DHCR7: variants seen among roughly 807,000 people sequenced by gnomAD.
The protein encoded by DHCR7 is 7-DHC reductase.
In DHCR7, 40 loss-of-function variants were observed where a neutral mutation model predicts 43.3. The ratio of observed to expected loss-of-function variants is 0.92; its 90% CI spans 0.72 to 1.20. The LOEUF is 1.20. DHCR7 is among the 50% of genes most tolerant of loss of function. DHCR7 has a pLI of 0.00. For synonymous variants in DHCR7, 298 were observed against 271.4 expected, an observed-to-expected ratio of 1.10 and a Z score of -0.96; for missense variants, 608 against 644.6, an observed-to-expected ratio of 0.94 and a Z score of 0.62.
chr11:71,440,418 T>G, intron 6 of DHCR7, among the ~76,000 whole-genome samples: 1 of 113,970 alleles, frequency 8.8e-6, no homozygotes, highest in South Asian at 2.8e-4. Flanking sequence ...AGATGACGGG[T>G]GGGTAGACAG....
In DHCR7 at chr11:71,437,988, G is replaced by T. The variant is rs1288987348; in HGVS notation, c.832-45C>A. ...GCTGACCACCCCCGGCCCTCCTGGG[G>T]CCCCCATGGACCTCGGGGAAATCAC... is the stretch of plus-strand genomic sequence containing the variant. On this transcript the variant is annotated intron_variant, in intron 7 of 8. Transcript: ENST00000355527. 5.0e-6 allele frequency: 8 copies of T among 1,606,586 alleles called. No individual in the cohort carries two copies. The Admixed American group carries it at 6.7e-5, about 13-fold the overall frequency.
rs770971876 is a variant in DHCR7 at position 71,435,525 on chromosome 11, G to A, written c.1278C>T (p.His426=). The A allele has an allele frequency of 6.2e-7, 1 of 1,611,216 alleles. No individual in the cohort carries two copies. ...LAYCLACGGG[H]LLPYFYIIYM... is the part of the protein sequence containing the mutation. Reference sequence around the variant, plus strand: ...AGATGATGTAGAAGTAGGGCAGCAGGTGGCCGCCGCCACAGGCCAGGCAGT... The same window carrying A: ...AGATGATGTAGAAGTAGGGCAGCAGATGGCCGCCGCCACAGGCCAGGCAGT... The change falls in exon 9 of 9, where the codon CAC becomes CAT. Residue 426 remains histidine, a synonymous_variant. Coordinates refer to ENST00000355527, the MANE Select transcript of DHCR7 (RefSeq NM_001360.3).
intron 3 of DHCR7, among the ~76,000 whole-genome samples, chr11:71,444,567 G>A (rs529356588): frequency 6.6e-6 from 1 of 152,166 alleles, no homozygotes; most frequent in African/African-American, 2.4e-5. Context: ...ATGGCGAAAT[G>A]GGAGCTGTGA....
At chr11:71,430,996 A>G (rs181560719), downstream of DHCR7, among the ~76,000 whole-genome samples, 28 of 152,322 alleles carry the variant, frequency 1.8e-4, no homozygotes, top group East Asian at 2.9e-3. Context: ...CTCTACTAAA[A>G]ATACAAAAAT....
Position 71,444,072 on chromosome 11 carries a change from C to T in DHCR7, c.242G>A (p.Arg81Gln), listed in dbSNP as rs752153214. ...PVVDIVTGHA[R>Q]LSDIWAKTPP... is the part of the protein sequence containing the mutation. ...AGTCTTGGCCCAGATGTCCGAGAGC[C>T]GAGCATGTCCGGTGACGATGTCCAC... The change falls in exon 4 of 9, where the codon CGG (arginine) becomes CAG (glutamine). Residue 81 changes from arginine (R) to glutamine (Q), a missense_variant. Arg to Gln is a conservative substitution (Grantham distance 43). Coordinates refer to ENST00000355527, the MANE Select transcript of DHCR7 (RefSeq NM_001360.3). 9.9e-6 allele frequency: 16 copies of T among 1,613,680 alleles called. No individual in the cohort carries two copies. In the East Asian group the frequency reaches 1.3e-4, roughly 13 times the overall value.
chr11:71,446,356 T>C (rs900821065), intron 2 of DHCR7, among the ~76,000 whole-genome samples: 2 of 151,532 alleles, frequency 1.3e-5, no homozygotes, highest in African/African-American at 2.4e-5. Flanking sequence ...GCCATTATTA[T>C]AGGACCTTAC....
downstream of DHCR7, among the ~76,000 whole-genome samples, chr11:71,431,475 C>G (rs890919369): frequency 6.6e-6 from 1 of 152,200 alleles, no homozygotes; most frequent in South Asian, 2.1e-4. Flanking sequence ...CTGACTCCTG[C>G]TCCTGAAACA....
chr11:71,445,308 G>C (rs1334640254), intron 2 of DHCR7, among the ~76,000 whole-genome samples: 2 of 152,190 alleles, frequency 1.3e-5, no homozygotes, highest in African/African-American at 4.8e-5. Flanking sequence ...AGGAACACAG[G>C]GGTCTTCACT....
downstream of DHCR7, chr11:71,434,388 C>T (rs765699307): frequency 2.6e-5 from 4 of 153,782 alleles, no homozygotes; most frequent in Non-Finnish European, 4.3e-5. Flanking sequence ...GGCCCATTCA[C>T]CAGTCAGAAA....
upstream of DHCR7, chr11:71,448,991 A>G (rs1949436279): frequency 6.6e-6 from 1 of 152,416 alleles, no homozygotes; most frequent in Non-Finnish European, 1.5e-5. Flanking sequence ...CTGTGCGAGG[A>G]CGGGAGGGGA....
rs1949378726 is a variant in DHCR7 at position 71,444,143 on chromosome 11, G to A, written c.171C>T (p.Phe57=). Residue 57 remains phenylalanine (F), a synonymous_variant, in exon 4 of 9, where the codon TTC becomes TTT. Coordinates refer to ENST00000355527, the MANE Select transcript of DHCR7 (RefSeq NM_001360.3). ...LLFAPFIVYY[F]IMACDQYSCA... is the part of the protein sequence containing the mutation. ...AGCTGTACTGGTCACAAGCCATGAT[G>A]AAGTAGTAGACGATGAAGGGGGCGA... 6.2e-7 allele frequency: 1 copy of A among 1,611,696 alleles called. No individual in the cohort carries two copies. Among genetic ancestry groups the A allele is most frequent in the Non-Finnish European group, 8.5e-7 (1 of 1,178,848 alleles).
Position 71,444,839 on chromosome 11 carries a change from C to G in DHCR7, c.98+16G>C. 6.2e-7 allele frequency: 1 copy of G among 1,610,218 alleles called. No homozygotes were observed. The highest frequency in any genetic ancestry group is 8.5e-7 in the Non-Finnish European group (1 of 1,176,448). Reference sequence around the variant, plus strand: ...ACACTTTACTTTCTAGCTGGGAGAACAGGCAAGATCCTTACCAGGCACGGC... The same window carrying G: ...ACACTTTACTTTCTAGCTGGGAGAAGAGGCAAGATCCTTACCAGGCACGGC... On this transcript the variant is annotated intron_variant, in intron 3 of 8. Coordinates refer to ENST00000355527, the MANE Select transcript of DHCR7 (RefSeq NM_001360.3).
At chr11:71,440,409 G>A (rs1369853930) in intron 6 of DHCR7, among the ~76,000 whole-genome samples, 10 of 150,202 alleles carry the variant, frequency 6.7e-5, no homozygotes, top group African/African-American at 2.5e-4. Flanking sequence ...TGGACAAATA[G>A]ATGACGGGTG....
At chr11:71,446,830 T>C (rs963013276) in intron 2 of DHCR7, among the ~76,000 whole-genome samples, 7 of 152,188 alleles carry the variant, frequency 4.6e-5, no homozygotes, top group Admixed American at 6.5e-5. Flanking sequence ...CGGCCCCAAA[T>C]ACTGAATACA....
chr11:71,432,077 T>C (rs554103315), downstream of DHCR7, among the ~76,000 whole-genome samples: 20 of 152,342 alleles, frequency 1.3e-4, no homozygotes, highest in Non-Finnish European at 2.5e-4. Flanking sequence ...CTGCCCACAT[T>C]GGCCTCCCAA....
At chr11:71,434,247 C>T (rs533011925), downstream of DHCR7, among the ~76,000 whole-genome samples, 89 of 152,274 alleles carry the variant, frequency 5.8e-4, 1 homozygote, top group African/African-American at 1.9e-3. Flanking sequence ...GGCAGGGTGG[C>T]GCCACGCACC....
chr11:71,437,707 C>T (rs901482902), intron 8 of DHCR7, 105 bp downstream of exon 8: 1 of 1,507,026 alleles, frequency 6.6e-7, no homozygotes, highest in Non-Finnish European at 9.0e-7. Context: ...TTCCTAGAAA[C>T]AGGGGGCAGC....
rs754320411 is a variant in DHCR7 at position 71,438,921 on chromosome 11, G to A, written c.789C>T (p.His263=). ...LSFAAKQREL[H]SHVTNAMVLV... ...GGACCATGGCATTGGTCACATGGCTGTGGAGCTCCCGCTGCTTCGCTGCGA... is the reference window on the plus strand; with the variant it reads ...GGACCATGGCATTGGTCACATGGCTATGGAGCTCCCGCTGCTTCGCTGCGA... Residue 263 remains histidine (H), a synonymous_variant, in exon 7 of 9, where the codon CAC becomes CAT. Coordinates refer to ENST00000355527, the MANE Select transcript of DHCR7 (RefSeq NM_001360.3). 6.2e-7 allele frequency: 1 copy of A among 1,613,974 alleles called. No individual in the cohort carries two copies. Among genetic ancestry groups the A allele is most frequent in the East Asian group, 2.2e-5 (1 of 44,862 alleles).
chr11:71,431,435 C>T (rs1034805125), downstream of DHCR7, among the ~76,000 whole-genome samples: 3 of 152,200 alleles, frequency 2.0e-5, no homozygotes, highest in Non-Finnish European at 4.4e-5. Context: ...CACTGACGCC[C>T]ACCTCTGACA....
Sources: gnomAD v4.1 joint callset for allele counts (sites outside exome capture counted in the v4.1 genomes callset) on GRCh38, gnomAD v4.1.1 for gene constraint, MANE v1.5 for transcripts, NCBI Gene and HGNC (gene_info 2026-07-23, HGNC 2026-07-21) for gene names.